ALPP: variants seen among roughly 807,000 people sequenced by gnomAD.
The protein encoded by ALPP is alkaline phosphatase, placental.
Under a neutral mutation model 50.7 loss-of-function variants are expected in ALPP, and 39 were observed. That is an observed-to-expected ratio of 0.77 (90% CI 0.60 to 1.00). The LOEUF (loss-of-function observed/expected upper bound fraction) is 1.00, where lower values mean the gene tolerates loss of function less well. ALPP is among the 50% of genes least tolerant of loss of function. The pLI is 0.00. For synonymous variants in ALPP, 226 were observed against 320.3 expected, an observed-to-expected ratio of 0.71 and a Z score of 3.14; for missense variants, 550 against 746.8, an observed-to-expected ratio of 0.74 and a Z score of 3.07.
At position 232,381,862 on chromosome 2, in the gene ALPP, C is replaced by T. The variant is rs1696724352; in HGVS notation, c.*67C>T. 1 of 1,500,362 alleles carries T rather than the reference C, an allele frequency of 6.7e-7. No homozygotes were observed. The highest frequency in any genetic ancestry group is 8.8e-7 in the Non-Finnish European group (1 of 1,130,672). The allele number at this position is 1,500,362 out of a possible 1,614,324, so 92.9% of individuals were successfully genotyped here. A position where few individuals can be genotyped will look rare whatever the true frequency, so the allele number is the denominator to read the frequency against. On this transcript the variant is annotated 3_prime_UTR_variant, in exon 11 of 11. Transcript: ENST00000392027. Reference sequence around the variant, plus strand: ...CTCCTGCTCCCCACCTCCTGTCGTCCTGCCTGGCCTCCAGCCCGAGTCGTC... The same window carrying T: ...CTCCTGCTCCCCACCTCCTGTCGTCTTGCCTGGCCTCCAGCCCGAGTCGTC...
chr2:232,381,752 T>C lies in ALPP; in HGVS notation c.1565T>C (p.Leu522Pro), dbSNP rs369703872. ...GTGGTCCCCGCGTTGCTTCCTCTGCTGGCCGGGACCCTGCTGCTGCTGGAG... is the reference window on the plus strand; with the variant it reads ...GTGGTCCCCGCGTTGCTTCCTCTGCCGGCCGGGACCCTGCTGCTGCTGGAG... ...RSVVPALLPL[L>P]AGTLLLLETA... Residue 522 changes from leucine (L) to proline (P), a missense_variant, in exon 11 of 11, where the codon CTG (leucine) becomes CCG (proline). Coordinates refer to ENST00000392027, the MANE Select transcript of ALPP (RefSeq NM_001632.5). 6.3e-5 allele frequency: 101 copies of C among 1,594,530 alleles called. No homozygotes were observed. Among genetic ancestry groups the C allele is most frequent in the Non-Finnish European group, 7.3e-5 (86 of 1,173,396 alleles).
Position 232,379,855 on chromosome 2 carries a change from G to C in ALPP, c.576G>C (p.Ser192=). The C allele has an allele frequency of 1.2e-6, 2 of 1,613,534 alleles. No individual in the cohort carries two copies. The highest frequency in any genetic ancestry group is 2.2e-5 in the South Asian group (2 of 91,052). The change falls in exon 5 of 11, where the codon TCG becomes TCC. Residue 192 remains serine, a synonymous_variant. Coordinates refer to ENST00000392027, the MANE Select transcript of ALPP (RefSeq NM_001632.5). ...ACACGGTGAACCGCAACTGGTACTCGGACGCCGACGTGCCTGCCTCCGCCC... is the reference window on the plus strand; with the variant it reads ...ACACGGTGAACCGCAACTGGTACTCCGACGCCGACGTGCCTGCCTCCGCCC... The part of the protein sequence containing the change: ...YAHTVNRNWY[S]DADVPASARQ...
intron 9 of ALPP, 58 bp from the exon 10 acceptor site, chr2:232,381,193 C>G (rs1236310642): frequency 1.9e-6 from 3 of 1,608,462 alleles, no homozygotes; most frequent in East Asian, 2.2e-5. Flanking sequence ...GTGCCTAGCA[C>G]GTGGGAGACA....
At position 232,381,602 on chromosome 2, in the gene ALPP, A is replaced by C. The variant is rs764721463; in HGVS notation, c.1415A>C (p.His472Pro). 3.1e-6 allele frequency: 5 copies of C among 1,612,734 alleles called. No homozygotes were observed. In the South Asian group the frequency reaches 5.5e-5, roughly 18 times the overall value. Residue 472 changes from histidine to proline, a missense_variant, in exon 11 of 11, where the codon CAC (histidine) becomes CCC (proline). His to Pro is a moderately conservative substitution (Grantham distance 77). Coordinates refer to ENST00000392027, the MANE Select transcript of ALPP (RefSeq NM_001632.5). ...CGCGGCCCGCAGGCGCACCTGGTTC[A>C]CGGCGTGCAGGAGCAGACCTTCATA... is the stretch of plus-strand genomic sequence containing the variant. ...FARGPQAHLV[H>P]GVQEQTFIAH... is the part of the protein sequence containing the mutation.
chr2:232,381,471 C>T, intron 10 of ALPP, 26 bp from the exon 11 acceptor site: 1 of 1,612,700 alleles, frequency 6.2e-7, no homozygotes. Context: ...ATGAACCCTC[C>T]TACCGGAACT....
At position 232,379,577 on chromosome 2, in the gene ALPP, T is replaced by G; in HGVS notation, c.374T>G (p.Val125Gly). The change falls in exon 4 of 11, where the codon GTC (valine) becomes GGC (glycine). Residue 125 changes from valine (V) to glycine (G), a missense_variant. By Grantham distance (109) the Val-to-Gly change is moderately radical (BLOSUM62 -3). Around this residue, in one of 5 missense-constraint regions of ALPP, gnomAD observed 376 missense variants for 388.5 expected, o/e 0.97. Coordinates refer to ENST00000392027, the MANE Select transcript of ALPP (RefSeq NM_001632.5). ...ACAGCCACGGCCTACCTGTGCGGGG[T>G]CAAGGGCAACTTCCAGACCATTGGC... ...GATATAYLCG[V>G]KGNFQTIGLS... 1 of 1,613,758 alleles carries G rather than the reference T, an allele frequency of 6.2e-7. No homozygotes were observed. Among genetic ancestry groups the G allele is most frequent in the Non-Finnish European group, 8.5e-7 (1 of 1,180,006 alleles).
Position 232,381,903 on chromosome 2 carries a change from A to T in ALPP, c.*108A>T, listed in dbSNP as rs1177831813. On this transcript the variant is annotated 3_prime_UTR_variant, in exon 11 of 11. Coordinates refer to ENST00000392027, the MANE Select transcript of ALPP (RefSeq NM_001632.5). ...CCGAGTCGTCATCCCCGGAGTCCCT[A>T]TACAGAGGTCCTGCCATGGAACCTT... 6.9e-7 allele frequency: 1 copy of T among 1,449,740 alleles called. No homozygotes were observed. The highest frequency in any genetic ancestry group is 9.1e-7 in the Non-Finnish European group (1 of 1,099,202). 89.8% of individuals were successfully genotyped at this position (1,449,740 alleles called of 1,614,324 possible).
rs1246802761 is a variant in ALPP at position 232,381,761 on chromosome 2, C to T, written c.1574C>T (p.Thr525Ile). ...GCGTTGCTTCCTCTGCTGGCCGGGA[C>T]CCTGCTGCTGCTGGAGACGGCCACT... Reference protein sequence around the residue: ...VPALLPLLAGTLLLLETATAP With the variant: ...VPALLPLLAGILLLLETATAP The change falls in exon 11 of 11, where the codon ACC (threonine) becomes ATC (isoleucine). Residue 525 changes from threonine to isoleucine, a missense_variant. Thr to Ile is a moderately conservative substitution (Grantham distance 89, BLOSUM62 -1). Around this residue, in one of 5 missense-constraint regions of ALPP, gnomAD observed 155 missense variants for 167.6 expected, o/e 0.92. Transcript: ENST00000392027. 1.1e-5 allele frequency: 17 copies of T among 1,591,194 alleles called. No homozygotes were observed. Among genetic ancestry groups the T allele is most frequent in the Non-Finnish European group, 1.3e-5 (15 of 1,172,318 alleles).
intron 4 of ALPP, 29 bp from the exon 5 acceptor site, chr2:232,379,735 T>A: frequency 1.2e-6 from 2 of 1,613,956 alleles, no homozygotes; most frequent in Non-Finnish European, 1.7e-6. Flanking sequence ...CAGACGTTGG[T>A]CACATATACT....
rs776303615 is a variant in ALPP at position 232,379,525 on chromosome 2, G to A, written c.322G>A (p.Asp108Asn). The part of the protein sequence containing the change: ...YVALSKTYNV[D>N]KHVPDSGATA... ...TCTCTGTCCCCAGACATACAATGTA[G>A]ACAAACATGTGCCAGACAGTGGAGC... The change falls in exon 4 of 11, where the codon GAC (aspartate) becomes AAC (asparagine). Residue 108 changes from aspartate (D) to asparagine (N), a missense_variant. Asp to Asn is a conservative substitution (Grantham distance 23). Coordinates refer to ENST00000392027, the MANE Select transcript of ALPP (RefSeq NM_001632.5). 2.5e-6 allele frequency: 4 copies of A among 1,614,070 alleles called. No individual in the cohort carries two copies. Among genetic ancestry groups the A allele is most frequent in the Admixed American group, 1.7e-5 (1 of 60,024 alleles).
Position 232,379,270 on chromosome 2 carries a change from GAT to G in ALPP, c.266_267del (p.Ile89ThrfsTer52), listed in dbSNP as rs1696658025. Reference protein sequence around the residue: ...GQKKDKLGPEIPLAMDRFPYV... With the variant: ...GQKKDKLGPEXPLAMDRFPYV... ...AGAAGAAGGACAAACTGGGGCCTGAGATACCCCTGGCCATGGACCGCTTCCCA... is the reference window on the plus strand; with the variant it reads ...AGAAGAAGGACAAACTGGGGCCTGAGACCCCTGGCCATGGACCGCTTCCCA... On this transcript the variant is annotated frameshift_variant, in exon 3 of 11. Transcript: ENST00000392027. LOFTEE classifies it high-confidence loss of function. 3.1e-6 allele frequency: 5 copies of G among 1,613,962 alleles called. No homozygotes were observed. The highest frequency in any genetic ancestry group is 2.2e-5 in the South Asian group (2 of 91,070).
Position 232,382,085 on chromosome 2 carries a change from T to A in ALPP, c.*290T>A. The A allele has an allele frequency of 3.5e-6, 2 of 563,770 alleles. No individual in the cohort carries two copies. Among genetic ancestry groups the A allele is most frequent in the East Asian group, 6.1e-5 (2 of 32,638 alleles). The allele number at this position is 563,770 out of a possible 1,614,324, so 34.9% of individuals were successfully genotyped here. ...GGGCTCAGGCCATCCAGCCACCACC[T>A]ACAGCCCAGTGGGTACCAGGCAGGC... On this transcript the variant is annotated 3_prime_UTR_variant, in exon 11 of 11. Transcript: ENST00000392027.
At position 232,379,283 on chromosome 2, in the gene ALPP, A is replaced by T. The variant is rs774690332; in HGVS notation, c.277A>T (p.Met93Leu). ...DKLGPEIPLAMDRFPYVALSK... is the reference protein window; with the variant it reads ...DKLGPEIPLALDRFPYVALSK... ...ACTGGGGCCTGAGATACCCCTGGCCATGGACCGCTTCCCATATGTGGCTCT... is the reference window on the plus strand; with the variant it reads ...ACTGGGGCCTGAGATACCCCTGGCCTTGGACCGCTTCCCATATGTGGCTCT... Residue 93 changes from methionine to leucine, a missense_variant, in exon 3 of 11, where the codon ATG (methionine) becomes TTG (leucine). Physicochemically the swap from Met to Leu is conservative, Grantham distance 15. Around this residue, in one of 5 missense-constraint regions of ALPP, gnomAD observed 376 missense variants for 388.5 expected, o/e 0.97. Coordinates refer to ENST00000392027, the MANE Select transcript of ALPP (RefSeq NM_001632.5). 1.2e-6 allele frequency: 2 copies of T among 1,614,080 alleles called. No individual in the cohort carries two copies. The highest frequency in any genetic ancestry group is 2.2e-5 in the South Asian group (2 of 91,072).
chr2:232,379,733 G>A (rs1250061072), intron 4 of ALPP, 31 bp from the exon 5 acceptor site: 4 of 1,614,032 alleles, frequency 2.5e-6, no homozygotes, highest in Non-Finnish European at 3.4e-6. Context: ...CACAGACGTT[G>A]GTCACATATA....
At position 232,382,390 on chromosome 2, in the gene ALPP, C is replaced by A; in HGVS notation, c.*595C>A. 1 of 154,776 alleles carries A rather than the reference C, an allele frequency of 6.5e-6. No homozygotes were observed. 9.6% of individuals were successfully genotyped at this position (154,776 alleles called of 1,614,324 possible). A position where few individuals can be genotyped will look rare whatever the true frequency, so the allele number is the denominator to read the frequency against. On this transcript the variant is annotated 3_prime_UTR_variant, in exon 11 of 11. Transcript: ENST00000392027. Reference sequence around the variant, plus strand: ...AAAGGCTTGCCCCAAATCTCAACTTCTCAGACGTTCCATACCCCCACATGC... The same window carrying A: ...AAAGGCTTGCCCCAAATCTCAACTTATCAGACGTTCCATACCCCCACATGC...
chr2:232,382,254 A>C lies in ALPP; in HGVS notation c.*459A>C, dbSNP rs1205133712. On this transcript the variant is annotated 3_prime_UTR_variant, in exon 11 of 11. Coordinates refer to ENST00000392027, the MANE Select transcript of ALPP (RefSeq NM_001632.5). ...TTTCCTGCCACCCTGCTGGCCAAGGAGGCTCCTGGGGTGGGGATCACCAGG... is the reference window on the plus strand; with the variant it reads ...TTTCCTGCCACCCTGCTGGCCAAGGCGGCTCCTGGGGTGGGGATCACCAGG... The C allele has an allele frequency of 3.0e-5, 6 of 202,052 alleles. No homozygotes were observed. The East Asian group carries it at 8.3e-4, about 28-fold the overall frequency. The allele number at this position is 202,052 out of a possible 1,614,324, so 12.5% of individuals were successfully genotyped here.
chr2:232,378,785 T>A lies in ALPP; in HGVS notation c.-18T>A, dbSNP rs767270931. 21 of 1,612,932 alleles carry A rather than the reference T, an allele frequency of 1.3e-5. No homozygotes were observed. The highest frequency in any genetic ancestry group is 1.5e-5 in the Non-Finnish European group (18 of 1,179,460). Reference sequence around the variant, plus strand: ...GCCCAGAATTCCTGCCTCGCCACTGTCCTGCTGCCCTCCAGACATGCTGGG... The same window carrying A: ...GCCCAGAATTCCTGCCTCGCCACTGACCTGCTGCCCTCCAGACATGCTGGG... On this transcript the variant is annotated 5_prime_UTR_variant, in exon 1 of 11. Coordinates refer to ENST00000392027, the MANE Select transcript of ALPP (RefSeq NM_001632.5).
At chr2:232,379,995 G>C in intron 5 of ALPP, 59 bp downstream of exon 5, 1 of 1,567,820 alleles carries the variant, frequency 6.4e-7, no homozygotes, top group Non-Finnish European at 8.6e-7. Flanking sequence ...GGGGGCACTA[G>C]CTCAGACCCA....
In ALPP at chr2:232,381,880, G is replaced by T; in HGVS notation, c.*85G>T. 6 of 1,487,882 alleles carry T rather than the reference G, an allele frequency of 4.0e-6. No homozygotes were observed. The Admixed American group carries it at 8.7e-5, about 22-fold the overall frequency. 92.2% of individuals were successfully genotyped at this position (1,487,882 alleles called of 1,614,324 possible). A position where few individuals can be genotyped will look rare whatever the true frequency, so the allele number is the denominator to read the frequency against. Reference sequence around the variant, plus strand: ...TGTCGTCCTGCCTGGCCTCCAGCCCGAGTCGTCATCCCCGGAGTCCCTATA... The same window carrying T: ...TGTCGTCCTGCCTGGCCTCCAGCCCTAGTCGTCATCCCCGGAGTCCCTATA... On this transcript the variant is annotated 3_prime_UTR_variant, in exon 11 of 11. Coordinates refer to ENST00000392027, the MANE Select transcript of ALPP (RefSeq NM_001632.5).
Sources: allele counts gnomAD v4.1 joint callset, GRCh38; gene constraint gnomAD v4.1.1; regional missense constraint gnomAD v4.1.1; transcripts MANE v1.5; gene names NCBI Gene and HGNC (gene_info 2026-07-23, HGNC 2026-07-21).